Variants in UTRN observed in about 807,000 individuals in gnomAD.
The protein encoded by UTRN is utrophin.
Under a neutral mutation model 463.9 loss-of-function variants are expected in UTRN, and 283 were observed. The observed-to-expected ratio is 0.61, with a 90% CI of 0.55 to 0.67. UTRN has a LOEUF of 0.67. UTRN is among the 30% of genes least tolerant of loss of function. UTRN has a pLI of 0.00. For missense variants in UTRN, 3,922 were observed against 4,084.3 expected (o/e 0.96, Z 1.08); for synonymous variants, 1,442 against 1,431.5 (o/e 1.01, Z -0.17).
intron 54 of UTRN, among the ~76,000 whole-genome samples, chr6:144,733,274 T>C (rs1213143097): frequency 6.6e-6 from 1 of 152,166 alleles, no homozygotes; most frequent in Non-Finnish European, 1.5e-5. Context: ...ATCCCAGGAC[T>C]TTGGGAGGCC....
chr6:144,334,580 T>C (rs893792914), intron 2 of UTRN, among the ~76,000 whole-genome samples: 5 of 152,184 alleles, frequency 3.3e-5, no homozygotes, highest in African/African-American at 1.2e-4. Context: ...ACCTGATACC[T>C]GGAACCTTAC....
At chr6:144,663,358 CT>C (rs67446539) in intron 51 of UTRN, among the ~76,000 whole-genome samples, 19,367 of 152,116 alleles carry the variant, frequency 0.13, 1,576 homozygotes, top group South Asian at 0.26. Flanking sequence ...ACCAACACAC[CT>C]CTCTGAGATC....
chr6:144,836,150 T>C, intron 70 of UTRN, 151 bp from the exon 71 acceptor site: 1 of 1,441,098 alleles, frequency 6.9e-7, no homozygotes, highest in Non-Finnish European at 9.3e-7. Context: ...TGCTTAAAAC[T>C]ACAATTTTAT....
chr6:144,603,189 C>T (rs1804451198), intron 51 of UTRN, among the ~76,000 whole-genome samples: 1 of 152,092 alleles, frequency 6.6e-6, no homozygotes, highest in Admixed American at 6.5e-5. Context: ...CATTCTGTTG[C>T]ATTTTGTGTT....
rs188604882 is a variant in UTRN at position 144,728,129 on chromosome 6, C to G, written c.7810-2228C>G. Among the ~76,000 whole-genome samples the G allele has an allele frequency of 2.7e-5, 4 of 148,940 alleles. No individual in the cohort carries two copies. The East Asian group carries it at 7.9e-4, about 29-fold the overall frequency. The stretch of plus-strand genomic sequence containing the variant: ...AAAAAAAAAAAAAAAGGAATGTTTA[C>G]TGCTCCCATATTTACTGATTTGATT... On this transcript the variant is annotated intron_variant, in intron 53 of 74. Transcript: ENST00000367545.
In UTRN at chr6:144,426,382, C is replaced by T. The variant is rs377642249; in HGVS notation, c.501C>T (p.Tyr167=). 104 of 1,614,104 alleles carry T rather than the reference C, an allele frequency of 6.4e-5. No individual in the cohort carries two copies. The highest frequency in any genetic ancestry group is 8.3e-5 in the Non-Finnish European group (98 of 1,180,034). ...LSWVRQTTRP[Y]SQVNVLNFTT... ...GGGTGCGTCAGACCACCAGGCCCTACAGCCAAGTCAACGTCCTCAACTTCA... is the reference window on the plus strand; with the variant it reads ...GGGTGCGTCAGACCACCAGGCCCTATAGCCAAGTCAACGTCCTCAACTTCA... Residue 167 remains tyrosine, a synonymous_variant, in exon 7 of 75, where the codon TAC becomes TAT. Coordinates refer to ENST00000367545, the MANE Select transcript of UTRN (RefSeq NM_007124.3).
At chr6:144,710,588 A>G (rs1785575626) in intron 53 of UTRN, among the ~76,000 whole-genome samples, 1 of 152,214 alleles carries the variant, frequency 6.6e-6, no homozygotes. Context: ...ATATATTTTC[A>G]GCAACATCAA....
In UTRN at chr6:144,421,964, A is replaced by G. The variant is rs1317509955; in HGVS notation, c.228A>G (p.Thr76=). 1.2e-6 allele frequency: 2 copies of G among 1,609,894 alleles called. No individual in the cohort carries two copies. The highest frequency in any genetic ancestry group is 1.7e-5 in the Admixed American group (1 of 59,492). ...LLDLLEGLTG[T]SLPKERGSTR... ...ATCTTCTAGAAGGCCTCACAGGAAC[A>G]TCACTGGTGAGCAAGTCATCTTTGT... The change falls in exon 4 of 75, where the codon ACA becomes ACG. Residue 76 remains threonine (T), a synonymous_variant. Transcript: ENST00000367545.
chr6:144,574,236 C>A (rs554419869), intron 50 of UTRN, among the ~76,000 whole-genome samples: 2 of 151,958 alleles, frequency 1.3e-5, no homozygotes, highest in Non-Finnish European at 2.9e-5. Context: ...AAATTCCAGG[C>A]GAGGAAATTT....
chr6:144,824,534 TATA>T (rs1363966633), intron 66 of UTRN, among the ~76,000 whole-genome samples: 5 of 107,050 alleles, frequency 4.7e-5, no homozygotes, highest in East Asian at 3.5e-4. Flanking sequence ...TATACACAAA[TATA>T]ATACATATGT....
chr6:144,445,238 C>A lies in UTRN; in HGVS notation c.1614+856C>A, dbSNP rs1014079309. Among the ~76,000 whole-genome samples, 5 of 150,834 alleles carry A rather than the reference C, an allele frequency of 3.3e-5. No individual in the cohort carries two copies. In the East Asian group the frequency reaches 9.8e-4, roughly 30 times the overall value. On this transcript the variant is annotated intron_variant, in intron 14 of 74. Transcript: ENST00000367545. ...TGGCGGTGGGTGCCTGTAATCCCAG[C>A]TACTCAGGAGGCTGAGGCAGGAGAA...
intron 23 of UTRN, among the ~76,000 whole-genome samples, chr6:144,472,640 A>G (rs1223112214): frequency 6.6e-6 from 1 of 152,190 alleles, no homozygotes; most frequent in African/African-American, 2.4e-5. Flanking sequence ...TACAGACATC[A>G]TGGAAGGAAT....
intron 65 of UTRN, among the ~76,000 whole-genome samples, chr6:144,812,087 TAAG>T (rs1778666860): frequency 6.6e-6 from 1 of 152,188 alleles, no homozygotes. Context: ...TATCTCAAGT[TAAG>T]AAGTGACTCC....
At chr6:144,687,456 CAAAG>C (rs1309338755) in intron 52 of UTRN, among the ~76,000 whole-genome samples, 1 of 151,750 alleles carries the variant, frequency 6.6e-6, no homozygotes, top group East Asian at 1.9e-4. Context: ...CAAAAAAAGA[CAAAG>C]AAGGTTATTA....
At chr6:144,821,892 C>CA (rs1351680618) in intron 66 of UTRN, among the ~76,000 whole-genome samples, 1 of 152,016 alleles carries the variant, frequency 6.6e-6, no homozygotes, top group Non-Finnish European at 1.5e-5. Context: ...TAATCATCAA[C>CA]AGAGTGCCCA....
At chr6:144,760,182 GTT>G (rs557821917) in intron 58 of UTRN, among the ~76,000 whole-genome samples, 72 of 151,992 alleles carry the variant, frequency 4.7e-4, no homozygotes, top group Non-Finnish European at 8.2e-4. Flanking sequence ...AATTCAAAAT[GTT>G]TATAATTTTG....
intron 8 of UTRN, 116 bp from the exon 9 acceptor site, chr6:144,429,465 T>A: frequency 1.1e-6 from 1 of 871,632 alleles, no homozygotes; most frequent in Non-Finnish European, 1.7e-6. Flanking sequence ...TTGCAAAGAT[T>A]ATATATTAGG....
intron 33 of UTRN, among the ~76,000 whole-genome samples, chr6:144,498,176 A>C (rs145496873): frequency 2.6e-5 from 4 of 152,234 alleles, no homozygotes; most frequent in Non-Finnish European, 5.9e-5. Context: ...AGCAAGGGCA[A>C]TGTCTGGGAG....
In UTRN at chr6:144,778,024, T is replaced by A. The variant is rs557445260; in HGVS notation, c.8632+3660T>A. 1.5e-4 allele frequency among the ~76,000 whole-genome samples: 23 copies of A among 152,324 alleles called. No individual in the cohort carries two copies. In the East Asian group the frequency reaches 3.9e-3, roughly 26 times the overall value. On this transcript the variant is annotated intron_variant, in intron 60 of 74. Coordinates refer to ENST00000367545, the MANE Select transcript of UTRN (RefSeq NM_007124.3). ...TTGTGTTGTATTTCATGTTTGGATA[T>A]TTTTCGTTATAGAATGGGGAGCCAT...
Sources: gnomAD v4.1 joint callset for allele counts (sites outside exome capture counted in the v4.1 genomes callset) on GRCh38, gnomAD v4.1.1 for gene constraint, MANE v1.5 for transcripts, NCBI Gene and HGNC (gene_info 2026-07-23, HGNC 2026-07-21) for gene names.